OPCML: variants seen among roughly 807,000 people sequenced by gnomAD.
OPCML encodes opioid-binding protein/cell adhesion molecule.
In OPCML, 13 loss-of-function variants were observed where a neutral mutation model predicts 37.8. The observed-to-expected ratio is 0.34, with a 90% confidence interval of 0.22 to 0.55. OPCML has a LOEUF of 0.55. OPCML is among the 20% of genes least tolerant of loss of function. The probability of loss-of-function intolerance (pLI) is 0.91; values close to 1 mark genes in which losing one functional copy is unlikely to be tolerated. For synonymous variants in OPCML, 176 were observed against 168.8 expected, an observed-to-expected ratio of 1.04 and a Z score of -0.33; for missense variants, 341 against 435.6, an observed-to-expected ratio of 0.78 and a Z score of 1.93.
At chr11:133,055,319 A>G (rs940750074) in intron 1 of OPCML, among the ~76,000 whole-genome samples, 1 of 149,860 alleles carries the variant, frequency 6.7e-6, no homozygotes, top group Non-Finnish European at 1.5e-5. Flanking sequence ...TGATACTTCC[A>G]AGTAGTGAGA....
At chr11:132,565,121 C>G (rs956127170) in intron 3 of OPCML, among the ~76,000 whole-genome samples, 45 of 152,104 alleles carry the variant, frequency 3.0e-4, no homozygotes, top group African/African-American at 1.1e-3. Context: ...CCTTAAAAAA[C>G]AAAAATAGGA....
chr11:132,616,797 C>T (rs1939055928), intron 3 of OPCML, among the ~76,000 whole-genome samples: 2 of 152,194 alleles, frequency 1.3e-5, no homozygotes, highest in South Asian at 2.1e-4. Flanking sequence ...TAAATCATCA[C>T]TATGTGTCTT....
At chr11:132,878,411 GA>G (rs1330053238) in intron 2 of OPCML, among the ~76,000 whole-genome samples, 1 of 152,136 alleles carries the variant, frequency 6.6e-6, no homozygotes, top group African/African-American at 2.4e-5. Flanking sequence ...AGCCTGAATG[GA>G]ACAAAAAGGC....
intron 1 of OPCML, among the ~76,000 whole-genome samples, chr11:133,399,964 A>T (rs1338992132): frequency 6.6e-6 from 1 of 152,026 alleles, no homozygotes; most frequent in East Asian, 1.9e-4. Context: ...AAGCTAGACT[A>T]ACCTTCCAGT....
At chr11:133,482,834 A>C (rs1947407687) in intron 1 of OPCML, among the ~76,000 whole-genome samples, 1 of 152,212 alleles carries the variant, frequency 6.6e-6, no homozygotes, top group African/African-American at 2.4e-5. Context: ...AGAAAAAAAA[A>C]TAGAAGAATA....
At chr11:133,501,834 C>A (rs1424907146) in intron 1 of OPCML, among the ~76,000 whole-genome samples, 1 of 152,160 alleles carries the variant, frequency 6.6e-6, no homozygotes, top group East Asian at 1.9e-4. Flanking sequence ...CCCTCCTCAC[C>A]AGTCCGGGCT....
At chr11:132,850,432 T>C (rs1194592306) in intron 2 of OPCML, among the ~76,000 whole-genome samples, 3 of 152,052 alleles carry the variant, frequency 2.0e-5, no homozygotes, top group African/African-American at 7.2e-5. Context: ...AAACGCACAG[T>C]TGGGTAACAA....
intron 2 of OPCML, among the ~76,000 whole-genome samples, chr11:132,815,455 G>A (rs906107073): frequency 7.9e-5 from 12 of 152,184 alleles, no homozygotes; most frequent in Admixed American, 3.9e-4. Flanking sequence ...GGTGCCCTTC[G>A]CTCTTGGCGT....
intron 3 of OPCML, among the ~76,000 whole-genome samples, chr11:132,649,243 A>C (rs981133886): frequency 6.6e-6 from 1 of 152,206 alleles, no homozygotes; most frequent in African/African-American, 2.4e-5. Flanking sequence ...CAGTGGGAGA[A>C]AAGGCCTGAT....
chr11:133,099,773 T>G lies in OPCML; in HGVS notation c.62-156763A>C, dbSNP rs527676088. 1.3e-3 allele frequency among the ~76,000 whole-genome samples: 202 copies of G among 152,312 alleles called. 2 individuals are homozygous for G. The highest frequency in any genetic ancestry group is 1.4e-3 in the African/African-American group (58 of 41,568). ...CATTTTTAATGGGGTTATTTGTTGT[T>G]CGCTTGTTGAATTGTTCAAGTTCCT... On this transcript the variant is annotated intron_variant, in intron 1 of 7. Coordinates refer to ENST00000524381, the MANE Select transcript of OPCML (RefSeq NM_001012393.5).
At chr11:132,764,419 A>G (rs1365319064) in intron 2 of OPCML, among the ~76,000 whole-genome samples, 1 of 152,202 alleles carries the variant, frequency 6.6e-6, no homozygotes, top group African/African-American at 2.4e-5. Context: ...CATTCCCTGA[A>G]ACTGGTGACT....
At chr11:133,164,830 A>C (rs1950188306) in intron 1 of OPCML, among the ~76,000 whole-genome samples, 1 of 152,222 alleles carries the variant, frequency 6.6e-6, no homozygotes. Flanking sequence ...CTTGCCTTAC[A>C]TAAAACATTG....
At chr11:132,643,522 C>A (rs1207508697) in intron 3 of OPCML, among the ~76,000 whole-genome samples, 1 of 152,174 alleles carries the variant, frequency 6.6e-6, no homozygotes, top group South Asian at 2.1e-4. Context: ...AAGCCACGGG[C>A]GAGGCTCCTC....
At chr11:133,483,886 T>C (rs1209173059) in intron 1 of OPCML, among the ~76,000 whole-genome samples, 1 of 151,264 alleles carries the variant, frequency 6.6e-6, no homozygotes, top group East Asian at 2.0e-4. Context: ...TATAGATAGA[T>C]GTATTTATAG....
At chr11:133,082,675 G>A (rs1948751214) in intron 1 of OPCML, among the ~76,000 whole-genome samples, 1 of 98,424 alleles carries the variant, frequency 1.0e-5, no homozygotes, top group Non-Finnish European at 2.1e-5. Context: ...GCACGGCACG[G>A]CCCTGTCAGC....
intron 1 of OPCML, among the ~76,000 whole-genome samples, chr11:132,986,404 C>T (rs940250731): frequency 3.9e-5 from 6 of 152,094 alleles, no homozygotes; most frequent in African/African-American, 1.4e-4. Flanking sequence ...TTAAGTAAGT[C>T]ACTGAATTTT....
rs116420066 is a variant in OPCML, at chr11:133,174,002, A to G, written c.62-230992T>C. On this transcript the variant is annotated intron_variant, in intron 1 of 7. Transcript: ENST00000524381. The surrounding 1 kb of genome is among the most constrained non-coding windows in gnomAD (Gnocchi z 4.6). The stretch of plus-strand genomic sequence containing the variant: ...CGGGACGCTGACATAAATCAGGGGC[A>G]GCAACGGATGAGCATGGAGAAACGG... Among the ~76,000 whole-genome samples, 1,805 of 152,350 alleles carry G rather than the reference A, an allele frequency of 0.012. 40 individuals carry two copies. Among genetic ancestry groups the G allele is most frequent in the African/African-American group, 0.04 (1,679 of 41,578 alleles).
chr11:132,819,397 G>A (rs1939838685), intron 2 of OPCML, among the ~76,000 whole-genome samples: 2 of 144,392 alleles, frequency 1.4e-5, no homozygotes, highest in African/African-American at 5.1e-5. Context: ...TGAAATAGAT[G>A]TATATATAAA....
At chr11:133,293,467 C>A (rs1376001307) in intron 1 of OPCML, among the ~76,000 whole-genome samples, 1 of 152,120 alleles carries the variant, frequency 6.6e-6, no homozygotes, top group Non-Finnish European at 1.5e-5. Context: ...ATAGGTAATT[C>A]TTAGAGGTGT....
Sources: gnomAD v4.1 joint callset for allele counts (sites outside exome capture counted in the v4.1 genomes callset) on GRCh38, gnomAD v4.1.1 for gene constraint, Gnocchi (gnomAD v3.1) non-coding constraint, MANE v1.5 for transcripts, NCBI Gene and HGNC (gene_info 2026-07-23, HGNC 2026-07-21) for gene names.